The following MSRA variants were observed in gnomAD, a reference collection of about 807,000 sequenced individuals.
MSRA encodes the protein mitochondrial peptide methionine sulfoxide reductase.
MSRA carries 54 observed loss-of-function variants against 31.3 expected under a neutral mutation model. That is an observed-to-expected ratio of 1.73 (90% CI 1.39 to 2.17). The LOEUF (loss-of-function observed/expected upper bound fraction) is 2.17, where lower values mean the gene tolerates loss of function less well. Among genes scored for constraint, MSRA ranks in the 30% most tolerant of loss-of-function variants. The pLI is 0.00. For missense variants in MSRA, 507 were observed against 300.9 expected, an observed-to-expected ratio of 1.69 and a Z score of -5.07; for synonymous variants, 169 against 116.5, an observed-to-expected ratio of 1.45 and a Z score of -2.90.
chr8:10,235,625 A>G (rs546954636), intron 2 of MSRA, among the ~76,000 whole-genome samples: 1 of 152,250 alleles, frequency 6.6e-6, no homozygotes, highest in Non-Finnish European at 1.5e-5. Context: ...AACCTCTAAA[A>G]AGAGAGATAT....
At chr8:10,353,515 A>G (rs1804322558) in intron 5 of MSRA, 1 of 435,774 alleles carries the variant, frequency 2.3e-6, no homozygotes, top group Non-Finnish European at 4.6e-6. Context: ...CTGTGTTAGC[A>G]GTTGGTCCCC....
At chr8:10,083,114 C>G (rs1297146347) in intron 1 of MSRA, among the ~76,000 whole-genome samples, 2 of 152,164 alleles carry the variant, frequency 1.3e-5, no homozygotes, top group East Asian at 3.9e-4. Flanking sequence ...AATTGTGACT[C>G]TCATCCAACT....
intron 1 of MSRA, among the ~76,000 whole-genome samples, chr8:10,101,167 G>T (rs376196427): frequency 6.6e-6 from 1 of 152,144 alleles, no homozygotes; most frequent in Admixed American, 6.5e-5. Context: ...CAATTTTTTG[G>T]TTGTGGGACT....
chr8:10,395,197 A>G (rs1035102799), intron 5 of MSRA, among the ~76,000 whole-genome samples: 21 of 152,056 alleles, frequency 1.4e-4, no homozygotes, highest in Non-Finnish European at 2.5e-4. Context: ...CCTATTTAAG[A>G]GTGTGCTTTG....
At chr8:10,269,478 A>G (rs563056177) in intron 3 of MSRA, among the ~76,000 whole-genome samples, 1 of 152,254 alleles carries the variant, frequency 6.6e-6, no homozygotes, top group Admixed American at 6.5e-5. Flanking sequence ...AATTCTTTGA[A>G]TTTTCTGGCT....
At chr8:10,233,558 T>C (rs1447387204) in intron 2 of MSRA, among the ~76,000 whole-genome samples, 1 of 152,204 alleles carries the variant, frequency 6.6e-6, no homozygotes, top group Non-Finnish European at 1.5e-5. Context: ...AATAATTCCA[T>C]ACCTGGAACT....
intron 1 of MSRA, among the ~76,000 whole-genome samples, chr8:10,116,168 A>C (rs146643303): frequency 1.1e-4 from 17 of 152,340 alleles, no homozygotes; most frequent in African/African-American, 4.1e-4. Flanking sequence ...AGATTATGGC[A>C]AGCTTGTCCA....
intron 5 of MSRA, among the ~76,000 whole-genome samples, chr8:10,413,909 G>C (rs553763541): frequency 6.6e-6 from 1 of 152,128 alleles, no homozygotes. Context: ...TTATACCTGC[G>C]ATCATAGTGC....
At chr8:10,400,640 T>C (rs1212961035) in intron 5 of MSRA, among the ~76,000 whole-genome samples, 2 of 152,114 alleles carry the variant, frequency 1.3e-5, no homozygotes, top group Non-Finnish European at 2.9e-5. Flanking sequence ...CAGGGGAGTC[T>C]GGTTGCTGAG....
chr8:10,256,495 G>T (rs1178316640), intron 3 of MSRA, among the ~76,000 whole-genome samples: 6 of 152,180 alleles, frequency 3.9e-5, no homozygotes, highest in Non-Finnish European at 1.5e-5. Context: ...GGGGAGGCCT[G>T]GAGGCCTGGG....
chr8:10,343,176 A>C (rs1212232151), intron 5 of MSRA, among the ~76,000 whole-genome samples: 6 of 152,214 alleles, frequency 3.9e-5, no homozygotes, highest in Non-Finnish European at 2.9e-5. Context: ...TCTTGGTCTC[A>C]ATTGTTCCTT....
intron 5 of MSRA, among the ~76,000 whole-genome samples, chr8:10,362,188 G>A (rs1324071849): frequency 6.6e-6 from 1 of 152,140 alleles, no homozygotes; most frequent in Non-Finnish European, 1.5e-5. Context: ...CTGAGTTGCA[G>A]CAGTATTAAT....
At chr8:10,110,402 A>G (rs138571080) in intron 1 of MSRA, among the ~76,000 whole-genome samples, 24 of 152,234 alleles carry the variant, frequency 1.6e-4, no homozygotes, top group African/African-American at 5.3e-4. Context: ...GATGCATATC[A>G]TGGTTGTCAG....
intron 5 of MSRA, among the ~76,000 whole-genome samples, chr8:10,360,094 A>G (rs1804755609): frequency 6.6e-6 from 1 of 152,120 alleles, no homozygotes; most frequent in Non-Finnish European, 1.5e-5. Context: ...CAGCCTCTTC[A>G]CCCAGGCCTC....
chr8:10,208,002 C>T (rs907160950), intron 2 of MSRA, 101 bp downstream of exon 2: 6 of 835,942 alleles, frequency 7.2e-6, no homozygotes, highest in East Asian at 2.7e-5. Flanking sequence ...AATCTGGGCT[C>T]TTCTAGATAT....
intron 5 of MSRA, among the ~76,000 whole-genome samples, chr8:10,405,936 G>C (rs767937150): frequency 1.3e-5 from 2 of 152,234 alleles, no homozygotes; most frequent in Non-Finnish European, 2.9e-5. Flanking sequence ...GCTCACATGT[G>C]CTCACACACA....
intron 4 of MSRA, 129 bp downstream of exon 4, chr8:10,301,767 T>A (rs1800861105): frequency 1.3e-6 from 1 of 760,192 alleles, no homozygotes; most frequent in South Asian, 1.9e-5. Context: ...TGCAGACATT[T>A]ATTGACGGAG....
At chr8:10,364,715 G>C (rs1805056983) in intron 5 of MSRA, among the ~76,000 whole-genome samples, 1 of 152,156 alleles carries the variant, frequency 6.6e-6, no homozygotes, top group African/African-American at 2.4e-5. Context: ...GGTGAATTTG[G>C]GCACAGTTCA....
At position 10,286,980 on chromosome 8, in the gene MSRA, G is replaced by A. The variant is rs769421393; in HGVS notation, c.332-14554G>A. Among the ~76,000 whole-genome samples the A allele has an allele frequency of 7.9e-5, 12 of 152,306 alleles. No individual in the cohort carries two copies. The South Asian group carries it at 1.4e-3, about 18-fold the overall frequency. ...AAGTCGAGACTCAGAGAGGTTAAGC[G>A]ATTCGTCCAAATCAAATATTCTAGC... On this transcript the variant is annotated intron_variant, in intron 3 of 5. Coordinates refer to ENST00000317173, the MANE Select transcript of MSRA (RefSeq NM_012331.5).
Sources: allele counts gnomAD v4.1 joint callset (sites outside exome capture counted in the v4.1 genomes callset), GRCh38; gene constraint gnomAD v4.1.1; transcripts MANE v1.5; gene names NCBI Gene and HGNC (gene_info 2026-07-23, HGNC 2026-07-21).